The following CDH13 variants were observed in gnomAD, a reference collection of about 807,000 sequenced individuals.
CDH13 encodes the protein cadherin 13.
A neutral mutation model predicts 63.8 loss-of-function variants in CDH13; 24 were observed. The ratio of observed to expected loss-of-function variants is 0.38; its 90% CI spans 0.27 to 0.53. The LOEUF (loss-of-function observed/expected upper bound fraction) is 0.53. CDH13 is among the 20% of genes least tolerant of loss of function. The pLI, the probability that CDH13 is intolerant of heterozygous loss-of-function variation, is 0.85. For synonymous variants in CDH13, 503 were observed against 355.3 expected (o/e 1.42, Z -4.67); for missense variants, 1,049 against 903.1 (o/e 1.16, Z -2.07).
intron 2 of CDH13, among the ~76,000 whole-genome samples, chr16:83,011,452 C>T (rs150462053): frequency 1.5e-3 from 225 of 152,270 alleles, no homozygotes; most frequent in Middle Eastern, 0.01. Context: ...TAGTGCAAAT[C>T]GAAAGCCCTT....
At chr16:82,851,164 G>A (rs1406485772) in intron 1 of CDH13, among the ~76,000 whole-genome samples, 2 of 152,054 alleles carry the variant, frequency 1.3e-5, no homozygotes, top group Admixed American at 6.5e-5. Flanking sequence ...GGCCAGGTAC[G>A]GTGGCTCATG....
chr16:82,672,792 C>CACAA (rs1913413607), intron 1 of CDH13, among the ~76,000 whole-genome samples: 1 of 149,550 alleles, frequency 6.7e-6, no homozygotes, highest in East Asian at 2.0e-4. Context: ...CACACACACA[C>CACAA]ACACACACAT....
At chr16:83,539,319 C>G (rs1437293138) in intron 7 of CDH13, among the ~76,000 whole-genome samples, 1 of 152,168 alleles carries the variant, frequency 6.6e-6, no homozygotes, top group Non-Finnish European at 1.5e-5. Flanking sequence ...CTATGAGAAT[C>G]TAATGCCATG....
In CDH13 at chr16:83,671,015, G is replaced by A. The variant is rs555970776; in HGVS notation, c.1284+43G>A. On this transcript the variant is annotated intron_variant, in intron 9 of 13. Coordinates refer to ENST00000567109, the MANE Select transcript of CDH13 (RefSeq NM_001257.5). ...TGCCTCTTTCTCCTCATGCGAGCAC[G>A]GAGGGCCCCATGAGGCAGCTCATAG... The A allele has an allele frequency of 3.3e-5, 49 of 1,489,688 alleles. 1 individual carries two copies. In the East Asian group the frequency reaches 4.3e-4, roughly 13 times the overall value. The allele number at this position is 1,489,688 out of a possible 1,614,324, so 92.3% of individuals were successfully genotyped here.
intron 10 of CDH13, among the ~76,000 whole-genome samples, chr16:83,680,971 A>C (rs1303578049): frequency 6.6e-6 from 1 of 151,874 alleles, no homozygotes; most frequent in Non-Finnish European, 1.5e-5. Context: ...GGGAAGAGGG[A>C]AGAGGCACCA....
At chr16:82,785,913 G>A (rs2035979301) in intron 1 of CDH13, among the ~76,000 whole-genome samples, 1 of 152,198 alleles carries the variant, frequency 6.6e-6, no homozygotes, top group South Asian at 2.1e-4. Flanking sequence ...ACAAGAGAGG[G>A]GAAGGGGTTC....
intron 3 of CDH13, among the ~76,000 whole-genome samples, chr16:83,064,189 T>A (rs1228268228): frequency 1.3e-5 from 2 of 152,106 alleles, no homozygotes; most frequent in Non-Finnish European, 2.9e-5. Context: ...GCCCACATGA[T>A]GAAACCCCAT....
At chr16:83,692,528 C>G (rs1905013813) in intron 10 of CDH13, among the ~76,000 whole-genome samples, 3 of 152,224 alleles carry the variant, frequency 2.0e-5, no homozygotes, top group Admixed American at 1.3e-4. Context: ...TTAACTCTTT[C>G]ATGCCCACTT....
chr16:82,837,484 C>T (rs959876468), intron 1 of CDH13, among the ~76,000 whole-genome samples: 7 of 152,106 alleles, frequency 4.6e-5, no homozygotes, highest in African/African-American at 1.7e-4. Context: ...TTTCCTTGAT[C>T]CCCAAGGAGG....
chr16:83,332,661 A>G (rs1427108031), intron 5 of CDH13, among the ~76,000 whole-genome samples: 1 of 152,138 alleles, frequency 6.6e-6, no homozygotes, highest in Non-Finnish European at 1.5e-5. Flanking sequence ...GCATAATTCC[A>G]TCATCCAAGA....
chr16:82,804,226 CAA>C (rs35791845), intron 1 of CDH13, among the ~76,000 whole-genome samples: 3 of 120,146 alleles, frequency 2.5e-5, no homozygotes, highest in East Asian at 2.1e-4. Flanking sequence ...GACTTCATCT[CAA>C]AAAAAAAAAT....
In CDH13 at chr16:83,065,729, CAA is replaced by C. The variant is rs57813644; in HGVS notation, c.366+33523_366+33524del. Among the ~76,000 whole-genome samples, 40 of 144,988 alleles carry C rather than the reference CAA, an allele frequency of 2.8e-4. No homozygotes were observed. In the East Asian group the frequency reaches 3.6e-3, roughly 13 times the overall value. On this transcript the variant is annotated intron_variant, in intron 3 of 13. Coordinates refer to ENST00000567109, the MANE Select transcript of CDH13 (RefSeq NM_001257.5). ...AAAAAAAAACAAAAAAACAAAAAAA[CAA>C]AAAAAAAAAAACAAGACTACTTTTA...
At chr16:83,726,422 A>C (rs1567554125) in intron 10 of CDH13, 1 of 152,176 alleles carries the variant, frequency 6.6e-6, no homozygotes, top group Admixed American at 6.5e-5. Flanking sequence ...ACAAATCGTT[A>C]TCTTGGCCCC....
chr16:83,002,892 G>C (rs1913086563), intron 2 of CDH13, among the ~76,000 whole-genome samples: 1 of 152,126 alleles, frequency 6.6e-6, no homozygotes, highest in African/African-American at 2.4e-5. Flanking sequence ...GATTATTTAG[G>C]GCTTTTACTT....
chr16:83,710,712 A>G (rs377760434), intron 10 of CDH13, among the ~76,000 whole-genome samples: 55 of 152,192 alleles, frequency 3.6e-4, no homozygotes, highest in African/African-American at 1.2e-3. Context: ...GGGAATTAAC[A>G]GGAAGATTGT....
Position 82,644,255 on chromosome 16 carries a change from C to G in CDH13, c.45+17118C>G, listed in dbSNP as rs929557014. Among the ~76,000 whole-genome samples the G allele has an allele frequency of 1.3e-5, 2 of 152,104 alleles. No homozygotes were observed. The highest frequency in any genetic ancestry group is 1.9e-4 in the East Asian group (1 of 5,178). ...TGAGAAGTCAATCTAAGGTCTAAGGCTGGGAAAGGAGCTCCCACTTCTTAC... is the reference window on the plus strand; with the variant it reads ...TGAGAAGTCAATCTAAGGTCTAAGGGTGGGAAAGGAGCTCCCACTTCTTAC... On this transcript the variant is annotated intron_variant, in intron 1 of 13. Transcript: ENST00000567109. The surrounding 1 kb of genome is among the most constrained non-coding windows in gnomAD (Gnocchi z 5.7).
At chr16:83,073,358 A>G (rs779754434) in intron 3 of CDH13, among the ~76,000 whole-genome samples, 4 of 108,692 alleles carry the variant, frequency 3.7e-5, no homozygotes, top group African/African-American at 1.4e-4. Flanking sequence ...TGTGTGTGAG[A>G]GAGAGAGAGA....
intron 2 of CDH13, among the ~76,000 whole-genome samples, chr16:82,935,630 C>T (rs79541017): frequency 2.6e-5 from 4 of 152,248 alleles, no homozygotes; most frequent in Non-Finnish European, 4.4e-5. Context: ...ATCAGAATCA[C>T]GTATAGCAGG....
intron 6 of CDH13, among the ~76,000 whole-genome samples, chr16:83,482,116 G>T (rs1033209286): frequency 3.3e-5 from 5 of 152,200 alleles, no homozygotes; most frequent in Non-Finnish European, 7.3e-5. Flanking sequence ...AAAATCTCCA[G>T]GCACGTTGCT....
Sources: allele counts gnomAD v4.1 joint callset (sites outside exome capture counted in the v4.1 genomes callset), GRCh38; gene constraint gnomAD v4.1.1; non-coding constraint Gnocchi (gnomAD v3.1); transcripts MANE v1.5; gene names NCBI Gene and HGNC (gene_info 2026-07-23, HGNC 2026-07-21).